The following GBE1 variants were observed in gnomAD, a reference collection of about 807,000 sequenced individuals.
The protein encoded by GBE1 is 1,4-alpha-glucan branching enzyme 1.
GBE1 carries 70 observed loss-of-function variants against 88.8 expected under a neutral mutation model. The observed-to-expected ratio is 0.79, with a 90% confidence interval of 0.65 to 0.96. GBE1 has a LOEUF of 0.96. Among genes scored for constraint, GBE1 ranks in the 40% least tolerant of loss-of-function variants. The pLI is 0.00. For synonymous variants in GBE1, 284 were observed against 300.1 expected (o/e 0.95, Z 0.56); for missense variants, 872 against 871.0 (o/e 1.00, Z -0.01).
At chr3:81,580,777 G>A (rs1341681742) in intron 11 of GBE1, among the ~76,000 whole-genome samples, 1 of 152,042 alleles carries the variant, frequency 6.6e-6, no homozygotes, top group African/African-American at 2.4e-5. Context: ...AAGAATGCTT[G>A]TCAAAAGCAT....
intron 14 of GBE1, among the ~76,000 whole-genome samples, chr3:81,506,880 G>A (rs1702661431): frequency 6.6e-6 from 1 of 152,128 alleles, no homozygotes; most frequent in East Asian, 1.9e-4. Context: ...ACACATGGAT[G>A]CATAAAGAGG....
At chr3:81,542,681 T>C (rs1402511003) in intron 12 of GBE1, among the ~76,000 whole-genome samples, 1 of 151,766 alleles carries the variant, frequency 6.6e-6, no homozygotes, top group East Asian at 1.9e-4. Context: ...TAAGAAAAAA[T>C]TCATCTGGGG....
intron 1 of GBE1, among the ~76,000 whole-genome samples, chr3:81,715,502 T>C (rs1472541513): frequency 1.3e-5 from 2 of 152,166 alleles, no homozygotes; most frequent in African/African-American, 4.8e-5. Flanking sequence ...TTTCCCACTA[T>C]TATAATCTTT....
intron 7 of GBE1, among the ~76,000 whole-genome samples, chr3:81,640,278 G>A (rs1023686797): frequency 4.6e-5 from 7 of 151,954 alleles, no homozygotes; most frequent in Non-Finnish European, 7.4e-5. Flanking sequence ...CCTCAGTCTC[G>A]GTGGGCACCA....
chr3:81,524,199 G>A (rs892141055), intron 14 of GBE1, among the ~76,000 whole-genome samples: 8 of 151,758 alleles, frequency 5.3e-5, no homozygotes, highest in African/African-American at 1.9e-4. Flanking sequence ...TTTTAACTGG[G>A]GTGAGATTTC....
intron 1 of GBE1, among the ~76,000 whole-genome samples, chr3:81,759,767 T>A (rs1055339403): frequency 6.6e-6 from 1 of 152,060 alleles, no homozygotes; most frequent in Non-Finnish European, 1.5e-5. Context: ...AGATTATAAA[T>A]GCTTCAATCC....
At chr3:81,740,511 T>G (rs1419798265) in intron 1 of GBE1, among the ~76,000 whole-genome samples, 2 of 152,082 alleles carry the variant, frequency 1.3e-5, no homozygotes, top group Non-Finnish European at 2.9e-5. Context: ...TTCTAATTAT[T>G]ATTTTTCTCA....
At chr3:81,682,198 C>T (rs1014015211) in intron 2 of GBE1, among the ~76,000 whole-genome samples, 7 of 152,174 alleles carry the variant, frequency 4.6e-5, no homozygotes, top group Admixed American at 4.6e-4. Flanking sequence ...TGTGGTGGCT[C>T]ACATCTATAA....
chr3:81,624,881 A>G (rs1444626495), intron 7 of GBE1, among the ~76,000 whole-genome samples: 1 of 152,150 alleles, frequency 6.6e-6, no homozygotes, highest in African/African-American at 2.4e-5. Context: ...TTTATGCTCA[A>G]ATAGCCTAAA....
rs565428275 is a variant in GBE1 at position 81,549,642 on chromosome 3, T to C, written c.1619-12547A>G. 5.9e-5 allele frequency among the ~76,000 whole-genome samples: 9 copies of C among 151,576 alleles called. No homozygotes were observed. In the South Asian group the frequency reaches 6.2e-4, roughly 10 times the overall value. ...AGAGTAGAGGAATTTATCCAACTCA[T>C]AGATGTCTGAGGTTACAAACACAAG... is the stretch of plus-strand genomic sequence containing the variant. On this transcript the variant is annotated intron_variant, in intron 12 of 15. Coordinates refer to ENST00000429644, the MANE Select transcript of GBE1 (RefSeq NM_000158.4).
chr3:81,607,360 C>T (rs1704117262), intron 7 of GBE1, among the ~76,000 whole-genome samples: 1 of 151,928 alleles, frequency 6.6e-6, no homozygotes, highest in African/African-American at 2.4e-5. Flanking sequence ...ACCATCCTGG[C>T]CCACATGGTG....
chr3:81,499,703 T>C (rs1188439053), intron 14 of GBE1, among the ~76,000 whole-genome samples: 4 of 152,210 alleles, frequency 2.6e-5, no homozygotes. Flanking sequence ...TCCATATCTG[T>C]GGATTTTGCA....
chr3:81,671,600 AT>A (rs951241109), intron 2 of GBE1, among the ~76,000 whole-genome samples: 1 of 152,140 alleles, frequency 6.6e-6, no homozygotes, highest in African/African-American at 2.4e-5. Flanking sequence ...TGCTGGAAAA[AT>A]TGGTTATCCT....
At chr3:81,679,737 A>C (rs997142236) in intron 2 of GBE1, among the ~76,000 whole-genome samples, 1 of 152,206 alleles carries the variant, frequency 6.6e-6, no homozygotes, top group South Asian at 2.1e-4. Flanking sequence ...GGTGGGTATT[A>C]TATTTTCCTT....
At chr3:81,577,016 TA>T (rs1437886725) in intron 12 of GBE1, among the ~76,000 whole-genome samples, 4 of 152,096 alleles carry the variant, frequency 2.6e-5, no homozygotes, top group Non-Finnish European at 4.4e-5. Flanking sequence ...TATAGTTTAC[TA>T]CAACCTCAGA....
intron 12 of GBE1, among the ~76,000 whole-genome samples, chr3:81,575,798 C>T (rs537911062): frequency 1.6e-4 from 24 of 152,144 alleles, no homozygotes; most frequent in Non-Finnish European, 3.1e-4. Flanking sequence ...AATGCTAAAA[C>T]AGTATTACTA....
At chr3:81,587,053 C>T (rs1226716324) in intron 9 of GBE1, among the ~76,000 whole-genome samples, 7 of 152,138 alleles carry the variant, frequency 4.6e-5, no homozygotes, top group Middle Eastern at 3.4e-3. Flanking sequence ...ACTCCCATCT[C>T]GGCCTCCCAA....
intron 14 of GBE1, among the ~76,000 whole-genome samples, chr3:81,526,396 A>G (rs1399880922): frequency 6.6e-6 from 1 of 152,110 alleles, no homozygotes; most frequent in Non-Finnish European, 1.5e-5. Flanking sequence ...GAAAGAAATA[A>G]AGGGTAATCA....
intron 5 of GBE1, 94 bp from the exon 6 acceptor site, chr3:81,646,576 T>G (rs1318885346): frequency 1.4e-6 from 1 of 707,130 alleles, no homozygotes; most frequent in African/African-American, 1.8e-5. Flanking sequence ...TACATTAAAA[T>G]TTACAAACAA....
Sources: allele counts gnomAD v4.1 joint callset (sites outside exome capture counted in the v4.1 genomes callset), GRCh38; gene constraint gnomAD v4.1.1; transcripts MANE v1.5; gene names NCBI Gene and HGNC (gene_info 2026-07-23, HGNC 2026-07-21).